LRIF1: variants seen among roughly 807,000 people sequenced by gnomAD.
The protein encoded by LRIF1 is ligand-dependent nuclear receptor-interacting factor 1.
In LRIF1, 32 loss-of-function variants were observed where a neutral mutation model predicts 52.7. The ratio of observed to expected loss-of-function variants is 0.61; its 90% CI spans 0.46 to 0.82. The LOEUF is 0.82. Among genes scored for constraint, LRIF1 ranks in the 40% least tolerant of loss-of-function variants. The probability of loss-of-function intolerance (pLI) is 0.00; values close to 1 mark genes in which losing one functional copy is unlikely to be tolerated. For synonymous variants in LRIF1, 323 were observed against 317.4 expected (o/e 1.02, Z -0.19); for missense variants, 887 against 892.0 (o/e 0.99, Z 0.07).
the LRIF1 span, among the ~76,000 whole-genome samples, chr1:110,934,589 C>T: frequency 6.6e-6 from 1 of 152,172 alleles, no homozygotes; most frequent in African/African-American, 2.4e-5. Flanking sequence ...GCAGTGGCTA[C>T]AGCATGAGGC....
the LRIF1 span, among the ~76,000 whole-genome samples, chr1:110,908,981 C>T: frequency 6.6e-6 from 1 of 152,078 alleles, no homozygotes; most frequent in Non-Finnish European, 1.5e-5. Context: ...TTAAAGGCAG[C>T]TAGAGAGAAG....
chr1:110,876,728 T>C, the LRIF1 span, among the ~76,000 whole-genome samples: 1 of 152,120 alleles, frequency 6.6e-6, no homozygotes, highest in Non-Finnish European at 1.5e-5. Flanking sequence ...TGTAATGATT[T>C]TGAGATGAGA....
Position 110,948,295 on chromosome 1 carries a change from A to T in LRIF1, c.1974T>A (p.Ala658=). 6.2e-7 allele frequency: 1 copy of T among 1,614,110 alleles called. No individual in the cohort carries two copies. The change falls in exon 4 of 4, where the codon GCT becomes GCA. Residue 658 remains alanine, a synonymous_variant. Coordinates refer to ENST00000369763, the MANE Select transcript of LRIF1 (RefSeq NM_018372.4). Reference sequence around the variant, plus strand: ...TTAGGAGTTGGGAACCGGTGACATTAGCTTCCCCATTTATGATTGCGTTAT... The same window carrying T: ...TTAGGAGTTGGGAACCGGTGACATTTGCTTCCCCATTTATGATTGCGTTAT... ...NAYNAIINGE[A]NVTGSQLLSS... is the part of the protein sequence containing the mutation.
chr1:110,922,399 G>A, the LRIF1 span, among the ~76,000 whole-genome samples: 1 of 152,122 alleles, frequency 6.6e-6, no homozygotes, highest in African/African-American at 2.4e-5. Context: ...ACCACATGTT[G>A]GGGCTTTGAT....
chr1:110,962,908 T>C (rs570014549), intron 1 of LRIF1, among the ~76,000 whole-genome samples: 1 of 151,768 alleles, frequency 6.6e-6, no homozygotes, highest in African/African-American at 2.4e-5. Flanking sequence ...TTCCTTGTAA[T>C]ACAATTTAAA....
Position 110,947,953 on chromosome 1 carries a change from G to T in LRIF1, c.*6C>A, listed in dbSNP as rs1225122118. ...AGCTATTTCACTGAAGTCTTTACAG[G>T]AGATTTTATTTTTGGTGCATCTTCT... On this transcript the variant is annotated 3_prime_UTR_variant, in exon 4 of 4. Coordinates refer to ENST00000369763, the MANE Select transcript of LRIF1 (RefSeq NM_018372.4). The T allele has an allele frequency of 6.4e-7, 1 of 1,566,334 alleles. No individual in the cohort carries two copies.
At chr1:110,892,492 T>C in the LRIF1 span, 1 of 1,614,158 alleles carries the variant, frequency 6.2e-7, no homozygotes, top group Non-Finnish European at 8.5e-7. Context: ...CTTCCTGGGC[T>C]GCATGGGCTC....
intron 2 of LRIF1, 114 bp downstream of exon 2, chr1:110,951,174 G>T: frequency 1.2e-6 from 1 of 828,842 alleles, no homozygotes; most frequent in Non-Finnish European, 1.9e-6. Flanking sequence ...TATAGTCTGT[G>T]TGTGATGGGG....
At chr1:110,928,670 G>T in the LRIF1 span, among the ~76,000 whole-genome samples, 1 of 152,078 alleles carries the variant, frequency 6.6e-6, no homozygotes, top group East Asian at 1.9e-4. Context: ...AAAGTGGTGG[G>T]GACAGGGAGC....
At chr1:110,880,575 C>T in the LRIF1 span, among the ~76,000 whole-genome samples, 1 of 152,096 alleles carries the variant, frequency 6.6e-6, no homozygotes, top group African/African-American at 2.4e-5. Flanking sequence ...TGGCTCAATT[C>T]CTTTCTGTTA....
chr1:110,920,650 C>T, the LRIF1 span, among the ~76,000 whole-genome samples: 2 of 152,278 alleles, frequency 1.3e-5, no homozygotes, highest in Middle Eastern at 3.4e-3. Context: ...ATAGAACGTA[C>T]AACACCAAAA....
the LRIF1 span, among the ~76,000 whole-genome samples, chr1:110,908,136 A>G: frequency 2.1e-4 from 32 of 152,394 alleles, no homozygotes; most frequent in Admixed American, 9.8e-4. Flanking sequence ...CCTATCTCAC[A>G]TCACAGCAAT....
chr1:110,877,382 C>T, the LRIF1 span, among the ~76,000 whole-genome samples: 1 of 152,186 alleles, frequency 6.6e-6, no homozygotes, highest in African/African-American at 2.4e-5. Context: ...GGCCTCTAGC[C>T]GAGGGACCCC....
the LRIF1 span, among the ~76,000 whole-genome samples, chr1:110,883,163 C>T: frequency 1.3e-5 from 2 of 151,874 alleles, no homozygotes; most frequent in African/African-American, 4.8e-5. Flanking sequence ...TGGTGTTATA[C>T]CATTAAGTAT....
chr1:110,889,591 G>T, the LRIF1 span, among the ~76,000 whole-genome samples: 1 of 121,706 alleles, frequency 8.2e-6, no homozygotes, highest in Non-Finnish European at 1.8e-5. Context: ...AATAAATAAA[G>T]ACTAAATAAT....
chr1:110,913,840 T>C, the LRIF1 span, among the ~76,000 whole-genome samples: 1 of 152,120 alleles, frequency 6.6e-6, no homozygotes, highest in Non-Finnish European at 1.5e-5. Flanking sequence ...ACACACACAC[T>C]TGTATGTTCA....
At chr1:110,896,645 G>C in the LRIF1 span, 1 of 1,611,276 alleles carries the variant, frequency 6.2e-7, no homozygotes, top group Admixed American at 1.7e-5. Context: ...TGGGGGTTTG[G>C]CTTTTAGCTG....
intron 1 of LRIF1, 94 bp downstream of exon 1, chr1:110,963,527 C>T (rs963102649): frequency 1.2e-5 from 13 of 1,083,882 alleles, no homozygotes; most frequent in South Asian, 1.0e-4. Flanking sequence ...TCCAACTCCT[C>T]TCAACTACAC....
the LRIF1 span, among the ~76,000 whole-genome samples, chr1:110,883,501 C>T: frequency 5.9e-5 from 9 of 151,922 alleles, no homozygotes; most frequent in African/African-American, 1.4e-4. Context: ...AACATTGGCC[C>T]GTGGTTTTAT....
Sources: gnomAD v4.1 joint callset for allele counts (sites outside exome capture counted in the v4.1 genomes callset) on GRCh38, gnomAD v4.1.1 for gene constraint, MANE v1.5 for transcripts, NCBI Gene and HGNC (gene_info 2026-07-23, HGNC 2026-07-21) for gene names.